The following RTN4R variants were observed in gnomAD, a reference collection of about 807,000 sequenced individuals.
RTN4R encodes the protein reticulon-4 receptor.
Under a neutral mutation model 27.7 loss-of-function variants are expected in RTN4R, and 4 were observed. That is an observed-to-expected ratio of 0.14 (90% CI 0.07 to 0.33). RTN4R has a LOEUF of 0.33. Ranked by LOEUF, RTN4R falls within the 10% of genes least tolerant of loss-of-function variation. RTN4R has a pLI of 1.00. For missense variants in RTN4R, 554 were observed against 671.5 expected (o/e 0.83, Z 1.93); for synonymous variants, 290 against 305.6 (o/e 0.95, Z 0.53).
chr22:20,249,037 A>G, intron 1 of RTN4R: 2 of 495,718 alleles, frequency 4.0e-6, no homozygotes, highest in East Asian at 1.1e-4. Flanking sequence ...GGGCACAGCC[A>G]GTGCCCCCTT....
At chr22:20,253,463 T>A (rs1277285744) in intron 1 of RTN4R, among the ~76,000 whole-genome samples, 1 of 151,580 alleles carries the variant, frequency 6.6e-6, no homozygotes, top group Non-Finnish European at 1.5e-5. Flanking sequence ...GAGTGAGGAG[T>A]GGGGAGCACA....
At chr22:20,258,890 C>T (rs779508810) in intron 1 of RTN4R, among the ~76,000 whole-genome samples, 36 of 152,074 alleles carry the variant, frequency 2.4e-4, no homozygotes, top group Non-Finnish European at 4.7e-4. Context: ...AGGAGTGGGG[C>T]GTGGGGGTGG....
intron 1 of RTN4R, chr22:20,243,712 G>A (rs1418813091): frequency 2.8e-6 from 1 of 362,842 alleles, no homozygotes; most frequent in Admixed American, 3.9e-5. Flanking sequence ...TTCCTGACTT[G>A]GCAGGAACCC....
At chr22:20,265,078 G>A (rs1318976544) in intron 1 of RTN4R, among the ~76,000 whole-genome samples, 1 of 152,206 alleles carries the variant, frequency 6.6e-6, no homozygotes, top group Non-Finnish European at 1.5e-5. Flanking sequence ...GACAGCAGGA[G>A]GGCTCCTCTG....
At chr22:20,254,468 C>T (rs547366038) in intron 1 of RTN4R, among the ~76,000 whole-genome samples, 1 of 148,208 alleles carries the variant, frequency 6.7e-6, no homozygotes, top group African/African-American at 2.5e-5. Context: ...TGGTATTGGC[C>T]TCCTTCATAG....
In RTN4R at chr22:20,242,457, C is replaced by T; in HGVS notation, c.676G>A (p.Gly226Ser). The T allele has an allele frequency of 6.2e-7, 1 of 1,613,662 alleles. No individual in the cohort carries two copies. Among genetic ancestry groups the T allele is most frequent in the Non-Finnish European group, 8.5e-7 (1 of 1,179,982 alleles). ...AACAGATAGAGTGTCATGAGGCGGCCAAGGTCACGGAAGGCATGCGGGTGC... is the reference window on the plus strand; with the variant it reads ...AACAGATAGAGTGTCATGAGGCGGCTAAGGTCACGGAAGGCATGCGGGTGC... ...HVHPHAFRDLGRLMTLYLFAN... is the reference protein window; with the variant it reads ...HVHPHAFRDLSRLMTLYLFAN... Residue 226 changes from glycine to serine, a missense_variant, in exon 2 of 2, where the codon GGC (glycine) becomes AGC (serine). Gly to Ser is a moderately conservative substitution (Grantham distance 56). Transcript: ENST00000043402.
At chr22:20,267,446 G>A (rs545996325) in intron 1 of RTN4R, among the ~76,000 whole-genome samples, 34 of 152,082 alleles carry the variant, frequency 2.2e-4, no homozygotes, top group South Asian at 8.3e-4. Flanking sequence ...TTGCCCCACC[G>A]CCCCTGATTC....
intron 1 of RTN4R, among the ~76,000 whole-genome samples, chr22:20,264,250 G>A (rs1295479291): frequency 6.6e-6 from 1 of 152,242 alleles, no homozygotes; most frequent in Non-Finnish European, 1.5e-5. Context: ...TGCATTCTCA[G>A]GAAGGGATTC....
At position 20,267,302 on chromosome 22, in the gene RTN4R, GGCACCTGGGGA is replaced by G. The variant is rs1478942738; in HGVS notation, c.22+758_22+768del. On this transcript the variant is annotated intron_variant, in intron 1 of 1. Transcript: ENST00000043402. Reference sequence around the variant, plus strand: ...GGACATCAGCAGGGCAGCCTGGGTGGGCACCTGGGGAGCACCCTCCAGGCGGGGCATGCCCA... The same window carrying G: ...GGACATCAGCAGGGCAGCCTGGGTGGGCACCCTCCAGGCGGGGCATGCCCA... Among the ~76,000 whole-genome samples, 19 of 152,314 alleles carry G rather than the reference GGCACCTGGGGA, an allele frequency of 1.2e-4. No homozygotes were observed. The East Asian group carries it at 3.3e-3, about 26-fold the overall frequency.
intron 1 of RTN4R, among the ~76,000 whole-genome samples, chr22:20,265,607 A>G (rs2051272583): frequency 6.6e-6 from 1 of 152,140 alleles, no homozygotes; most frequent in African/African-American, 2.4e-5. Context: ...GAGGGAGTGA[A>G]GGTACTATGG....
At chr22:20,267,647 C>T (rs1401108239) in intron 1 of RTN4R, 2 of 467,292 alleles carry the variant, frequency 4.3e-6, no homozygotes, top group African/African-American at 2.0e-5. Flanking sequence ...GACCGTGAGG[C>T]TGGGGTGGAG....
chr22:20,245,614 C>G (rs528598699), intron 1 of RTN4R, among the ~76,000 whole-genome samples: 1 of 152,296 alleles, frequency 6.6e-6, no homozygotes, highest in East Asian at 1.9e-4. Context: ...GGCCCGTGGC[C>G]CCTGACCTGT....
rs569036912 is a variant in RTN4R at position 20,262,244 on chromosome 22, C to T, written c.22+5827G>A. ...AGCAGACAGGCTGGATCTGGAGGCC[C>T]AAGGTGTGTAGTGTGGGGAGCTGTG... On this transcript the variant is annotated intron_variant, in intron 1 of 1. Coordinates refer to ENST00000043402, the MANE Select transcript of RTN4R (RefSeq NM_023004.6). 1.2e-3 allele frequency among the ~76,000 whole-genome samples: 184 copies of T among 152,262 alleles called. 1 individual carries two copies. The highest frequency in any genetic ancestry group is 4.3e-3 in the African/African-American group (179 of 41,528).
chr22:20,243,442 G>T (rs896086447), intron 1 of RTN4R: 2 of 596,106 alleles, frequency 3.4e-6, no homozygotes, highest in South Asian at 1.5e-5. Flanking sequence ...GTGACTGCAG[G>T]TACCTCCTCA....
At chr22:20,257,710 T>C (rs2051219726) in intron 1 of RTN4R, among the ~76,000 whole-genome samples, 1 of 152,246 alleles carries the variant, frequency 6.6e-6, no homozygotes, top group South Asian at 2.1e-4. Context: ...TTTTTCCAGA[T>C]TTTCTACAAT....
chr22:20,258,016 C>T (rs1569040606), intron 1 of RTN4R, among the ~76,000 whole-genome samples: 1 of 152,192 alleles, frequency 6.6e-6, no homozygotes, highest in Non-Finnish European at 1.5e-5. Context: ...CCTCATGGCA[C>T]CCACAAAGAA....
Position 20,242,517 on chromosome 22 carries a change from G to A in RTN4R, c.616C>T (p.Arg206Cys). ...RAFRGLHSLD[R>C]LLLHQNRVAH... Reference sequence around the variant, plus strand: ...ACGCGGTTCTGGTGCAGTAGGAGACGGTCGAGGCTGTGCAGCCCACGGAAG... The same window carrying A: ...ACGCGGTTCTGGTGCAGTAGGAGACAGTCGAGGCTGTGCAGCCCACGGAAG... The change falls in exon 2 of 2, where the codon CGT (arginine) becomes TGT (cysteine). Residue 206 changes from arginine (R) to cysteine (C), a missense_variant. This residue lies in a region of RTN4R where 413 missense variants were observed against 542.3 expected (regional missense o/e 0.76). Transcript: ENST00000043402. 3 of 1,613,716 alleles carry A rather than the reference G, an allele frequency of 1.9e-6. No individual in the cohort carries two copies. The highest frequency in any genetic ancestry group is 1.7e-6 in the Non-Finnish European group (2 of 1,179,982).
chr22:20,252,228 A>T (rs1021924353), intron 1 of RTN4R, among the ~76,000 whole-genome samples: 5 of 152,064 alleles, frequency 3.3e-5, no homozygotes, highest in African/African-American at 1.2e-4. Context: ...AGGCCCTTAG[A>T]TAAAGGGCAG....
At position 20,241,896 on chromosome 22, in the gene RTN4R, G is replaced by C. The variant is rs2051108695; in HGVS notation, c.1237C>G (p.Pro413Ala). 1 of 1,605,802 alleles carries C rather than the reference G, an allele frequency of 6.2e-7. No homozygotes were observed. Among genetic ancestry groups the C allele is most frequent in the African/African-American group, 1.3e-5 (1 of 74,838 alleles). Residue 413 changes from proline to alanine, a missense_variant, in exon 2 of 2, where the codon CCT becomes GCT. By Grantham distance (27) the Pro-to-Ala change is conservative. Around this residue, in one of 2 missense-constraint regions of RTN4R, gnomAD observed 141 missense variants for 129.2 expected, o/e 1.09. Coordinates refer to ENST00000043402, the MANE Select transcript of RTN4R (RefSeq NM_023004.6). ...CGTGAACAGCCTGGCCTCCGGCGAG[G>C]GCCCGAGGTGGGGAACCCTGGTGGC... is the stretch of plus-strand genomic sequence containing the variant. ...SEPPGFPTSG[P>A]RRRPGCSRKN...
Sources: allele counts gnomAD v4.1 joint callset (sites outside exome capture counted in the v4.1 genomes callset), GRCh38; gene constraint gnomAD v4.1.1; regional missense constraint gnomAD v4.1.1; transcripts MANE v1.5; gene names NCBI Gene and HGNC (gene_info 2026-07-23, HGNC 2026-07-21).